Variants in CPNE8 observed in about 807,000 individuals in gnomAD.
CPNE8 encodes the protein copine-8.
Under a neutral mutation model 81.5 loss-of-function variants are expected in CPNE8, and 45 were observed. The ratio of observed to expected loss-of-function variants is 0.55; its 90% CI spans 0.44 to 0.71. The LOEUF is 0.71. CPNE8 is among the 30% of genes least tolerant of loss of function. CPNE8 has a pLI of 0.00. For missense variants in CPNE8, 594 were observed against 672.1 expected (o/e 0.88, Z 1.28); for synonymous variants, 252 against 226.3 (o/e 1.11, Z -1.02).
rs55845087 is a variant in CPNE8 at position 38,814,939 on chromosome 12, A to G, written c.407+14440T>C. The stretch of plus-strand genomic sequence containing the variant: ...AACAATTTTAACTTTATATATATAT[A>G]TTTTTAAGTTAGCCACATAAGACCT... On this transcript the variant is annotated intron_variant, in intron 6 of 19. Coordinates refer to ENST00000331366, the MANE Select transcript of CPNE8 (RefSeq NM_153634.3). 2.6e-5 allele frequency among the ~76,000 whole-genome samples: 4 copies of G among 152,246 alleles called. No homozygotes were observed. In the East Asian group the frequency reaches 5.8e-4, roughly 22 times the overall value.
intron 1 of CPNE8, among the ~76,000 whole-genome samples, chr12:38,901,378 A>C (rs1015546229): frequency 6.6e-6 from 1 of 152,246 alleles, no homozygotes; most frequent in Non-Finnish European, 1.5e-5. Context: ...GATGAAAATC[A>C]GTGAAATAGT....
At chr12:38,896,220 A>T (rs1944386687) in intron 1 of CPNE8, among the ~76,000 whole-genome samples, 1 of 152,156 alleles carries the variant, frequency 6.6e-6, no homozygotes, top group Non-Finnish European at 1.5e-5. Context: ...GTTTCTTCAG[A>T]GTTTCAGAAA....
intron 4 of CPNE8, among the ~76,000 whole-genome samples, chr12:38,845,927 CA>C: frequency 6.6e-6 from 1 of 152,212 alleles, no homozygotes; most frequent in East Asian, 1.9e-4. Context: ...CTGAAACTAA[CA>C]AAATACATGC....
intron 3 of CPNE8, among the ~76,000 whole-genome samples, chr12:38,855,051 C>T (rs1943708295): frequency 6.6e-6 from 1 of 151,984 alleles, no homozygotes; most frequent in Non-Finnish European, 1.5e-5. Context: ...AGTAAAGTTA[C>T]AGGATACAAA....
chr12:38,803,652 G>A lies in CPNE8; in HGVS notation c.407+25727C>T, dbSNP rs569096582. ...TATTCAACATAGTGTTGGAAGTTCT[G>A]GCCAGGGCAATCAGGCAGGAGAAGG... On this transcript the variant is annotated intron_variant, in intron 6 of 19. Coordinates refer to ENST00000331366, the MANE Select transcript of CPNE8 (RefSeq NM_153634.3). 1.2e-3 allele frequency among the ~76,000 whole-genome samples: 177 copies of A among 148,574 alleles called. 1 individual carries two copies. Among genetic ancestry groups the A allele is most frequent in the African/African-American group, 3.9e-3 (160 of 40,544 alleles).
At chr12:38,844,499 C>A (rs1169353353) in intron 4 of CPNE8, among the ~76,000 whole-genome samples, 1 of 151,928 alleles carries the variant, frequency 6.6e-6, no homozygotes, top group Non-Finnish European at 1.5e-5. Context: ...ATGAAAGAAA[C>A]CATGTCTCCT....
At chr12:38,799,642 A>T (rs1942603636) in intron 6 of CPNE8, among the ~76,000 whole-genome samples, 1 of 152,050 alleles carries the variant, frequency 6.6e-6, no homozygotes, top group South Asian at 2.1e-4. Flanking sequence ...AAGAACTAGA[A>T]AAGTGGAGGA....
At chr12:38,675,298 T>C (rs1257779002) in intron 18 of CPNE8, among the ~76,000 whole-genome samples, 1 of 152,208 alleles carries the variant, frequency 6.6e-6, no homozygotes, top group Non-Finnish European at 1.5e-5. Context: ...ATGTTAACAT[T>C]TCTTTTCACA....
intron 3 of CPNE8, among the ~76,000 whole-genome samples, chr12:38,871,776 A>C (rs1307136132): frequency 6.6e-6 from 1 of 152,168 alleles, no homozygotes; most frequent in African/African-American, 2.4e-5. Context: ...AGCAAAGAAG[A>C]AGCAGACATA....
intron 10 of CPNE8, 147 bp from the exon 11 acceptor site, chr12:38,730,505 G>A: frequency 6.6e-6 from 3 of 457,880 alleles, no homozygotes; most frequent in South Asian, 4.1e-5. Context: ...ATATTTAAAA[G>A]GACTAATACA....
intron 7 of CPNE8, among the ~76,000 whole-genome samples, chr12:38,773,900 G>A (rs1941864020): frequency 6.6e-6 from 1 of 151,916 alleles, no homozygotes; most frequent in Non-Finnish European, 1.5e-5. Flanking sequence ...GCTATAGCCA[G>A]GAATCAGGAC....
At chr12:38,842,223 C>T (rs916090665) in intron 4 of CPNE8, among the ~76,000 whole-genome samples, 1 of 151,980 alleles carries the variant, frequency 6.6e-6, no homozygotes. Flanking sequence ...AGAAATGTTT[C>T]TTATATAAGA....
At chr12:38,905,690 G>C (rs1944561124), upstream of CPNE8, 7 of 1,458,934 alleles carry the variant, frequency 4.8e-6, no homozygotes, top group Non-Finnish European at 5.4e-6. Context: ...GGGAGGAGGC[G>C]GACCTCCGCG....
At chr12:38,841,477 C>T (rs1404233225) in intron 4 of CPNE8, among the ~76,000 whole-genome samples, 1 of 152,138 alleles carries the variant, frequency 6.6e-6, no homozygotes, top group Non-Finnish European at 1.5e-5. Flanking sequence ...AATTGTAAGA[C>T]ATTTTTAAGA....
chr12:38,694,498 G>T (rs1046719722), intron 14 of CPNE8, among the ~76,000 whole-genome samples: 1 of 152,124 alleles, frequency 6.6e-6, no homozygotes, highest in South Asian at 2.1e-4. Flanking sequence ...GAGATTACAC[G>T]TTTAAAAGTG....
At chr12:38,771,392 G>A (rs1286527353) in intron 7 of CPNE8, among the ~76,000 whole-genome samples, 2 of 151,854 alleles carry the variant, frequency 1.3e-5, no homozygotes, top group Non-Finnish European at 2.9e-5. Context: ...TTGAGCCCAG[G>A]AGCTCAAAGC....
At chr12:38,759,286 C>T (rs826847) in intron 10 of CPNE8, among the ~76,000 whole-genome samples, 15,641 of 152,130 alleles carry the variant, frequency 0.1, 1,015 homozygotes, top group East Asian at 0.25. Context: ...ACCACTTTTG[C>T]CTATTCACAA....
At chr12:38,658,472 C>T (rs1938875428) in intron 19 of CPNE8, among the ~76,000 whole-genome samples, 1 of 152,236 alleles carries the variant, frequency 6.6e-6, no homozygotes, top group Admixed American at 6.5e-5. Context: ...TTGGAAAACA[C>T]TCTGCAGGAT....
chr12:38,731,506 T>C (rs1247129688), intron 10 of CPNE8, among the ~76,000 whole-genome samples: 6 of 151,902 alleles, frequency 3.9e-5, no homozygotes, highest in Admixed American at 3.9e-4. Context: ...TTAAAGAACT[T>C]ATTTGAGAAA....
Sources: gnomAD v4.1 joint callset for allele counts (sites outside exome capture counted in the v4.1 genomes callset) on GRCh38, gnomAD v4.1.1 for gene constraint, MANE v1.5 for transcripts, NCBI Gene and HGNC (gene_info 2026-07-23, HGNC 2026-07-21) for gene names.